The following PELI2 variants were observed in gnomAD, a reference collection of about 807,000 sequenced individuals.
The protein encoded by PELI2 is pellino E3 ubiquitin protein ligase family member 2.
Under a neutral mutation model 42.3 loss-of-function variants are expected in PELI2, and 23 were observed. The ratio of observed to expected loss-of-function variants is 0.54; its 90% confidence interval spans 0.39 to 0.77. PELI2 has a LOEUF of 0.77. Among genes scored for constraint, PELI2 ranks in the 30% least tolerant of loss-of-function variants. PELI2 has a pLI of 0.00. For missense variants in PELI2, 463 were observed against 553.2 expected (o/e 0.84, Z 1.64); for synonymous variants, 245 against 212.2 (o/e 1.15, Z -1.34).
Position 56,279,665 on chromosome 14 carries a change from TTTA to T in PELI2, c.208-4_208-2del, listed in dbSNP as rs763783527. ...GAATTGTAATGGATTTTTTTAAAAT[TTTA>T]TTATTAGGCTATCAGCTGCAAAGGT... On this transcript the variant is annotated splice_region_variant and splice_polypyrimidine_tract_variant and intron_variant, in intron 2 of 5. Transcript: ENST00000267460. 8.8e-6 allele frequency: 13 copies of T among 1,484,944 alleles called. No homozygotes were observed. The African/African-American group carries it at 1.8e-4, about 21-fold the overall frequency. 92.0% of individuals were successfully genotyped at this position (1,484,944 alleles called of 1,614,324 possible). A position where few individuals can be genotyped will look rare whatever the true frequency, so the allele number is the denominator to read the frequency against.
At chr14:56,187,356 G>T (rs61989865) in intron 2 of PELI2, among the ~76,000 whole-genome samples, 1 of 152,182 alleles carries the variant, frequency 6.6e-6, no homozygotes. Context: ...CATTATTTAA[G>T]TATCAGTGTT....
At chr14:56,285,725 T>A (rs1889623763) in intron 3 of PELI2, among the ~76,000 whole-genome samples, 1 of 151,830 alleles carries the variant, frequency 6.6e-6, no homozygotes, top group African/African-American at 2.4e-5. Flanking sequence ...TTGGAGTGGG[T>A]TGAGGAAGAA....
chr14:56,260,355 G>A (rs1309921618), intron 2 of PELI2, among the ~76,000 whole-genome samples: 1 of 152,054 alleles, frequency 6.6e-6, no homozygotes, highest in Non-Finnish European at 1.5e-5. Context: ...AATCTCAAAG[G>A]GTTTTGGTAA....
chr14:56,242,118 A>G (rs775026952), intron 2 of PELI2, among the ~76,000 whole-genome samples: 4 of 152,200 alleles, frequency 2.6e-5, no homozygotes, highest in African/African-American at 9.7e-5. Context: ...AGGAGGACCA[A>G]CTGAGTGGCC....
At chr14:56,176,905 A>G (rs928281181) in intron 1 of PELI2, among the ~76,000 whole-genome samples, 2 of 152,206 alleles carry the variant, frequency 1.3e-5, no homozygotes, top group African/African-American at 4.8e-5. Flanking sequence ...TAGAGTGTTC[A>G]TCTTGATTTA....
At chr14:56,244,632 AAG>A (rs1332403289) in intron 2 of PELI2, among the ~76,000 whole-genome samples, 2 of 152,170 alleles carry the variant, frequency 1.3e-5, no homozygotes, top group Non-Finnish European at 2.9e-5. Context: ...TTCTTCCACC[AAG>A]AGCAGGATGA....
At chr14:56,198,773 A>G (rs1886230399) in intron 2 of PELI2, among the ~76,000 whole-genome samples, 1 of 152,166 alleles carries the variant, frequency 6.6e-6, no homozygotes, top group Non-Finnish European at 1.5e-5. Flanking sequence ...ATGACCCAGT[A>G]TGGTGGGATA....
Position 56,288,423 on chromosome 14 carries a change from T to G in PELI2, c.310-14T>G. 1 of 1,603,472 alleles carries G rather than the reference T, an allele frequency of 6.2e-7. No individual in the cohort carries two copies. The highest frequency in any genetic ancestry group is 8.5e-7 in the Non-Finnish European group (1 of 1,170,874). On this transcript the variant is annotated splice_polypyrimidine_tract_variant and intron_variant, in intron 3 of 5. Transcript: ENST00000267460. This position sits in a 1 kb window ranked among gnomAD's most constrained non-coding sequence, Gnocchi z 4.6. ...ATTTTCCAAGTGAATCACGAGTACA[T>G]TTGATTTACTTAGGTGGGCAGATCA...
intron 2 of PELI2, among the ~76,000 whole-genome samples, chr14:56,275,135 G>A (rs1431021815): frequency 6.6e-6 from 1 of 152,114 alleles, no homozygotes; most frequent in Non-Finnish European, 1.5e-5. Flanking sequence ...TTGATGCTGG[G>A]GTGGAAAAAT....
Position 56,118,447 on chromosome 14 carries a change from G to C in PELI2, c.-214G>C. On this transcript the variant is annotated 5_prime_UTR_variant, in exon 1 of 6. Transcript: ENST00000267460. ...CCGGCTCTGACTCGGGGCGGCCGCG[G>C]CGCGCGGAGCTCCGGGGAGTCAGGC... The C allele has an allele frequency of 3.2e-6, 1 of 309,084 alleles. No individual in the cohort carries two copies. The allele number at this position is 309,084 out of a possible 1,614,324, so 19.1% of individuals were successfully genotyped here. A position where few individuals can be genotyped will look rare whatever the true frequency, so the allele number is the denominator to read the frequency against.
At chr14:56,294,641 ACC>A (rs1371818560) in intron 5 of PELI2, among the ~76,000 whole-genome samples, 1 of 151,998 alleles carries the variant, frequency 6.6e-6, no homozygotes, top group Non-Finnish European at 1.5e-5. Context: ...CCTCCCTGGG[ACC>A]CTGCCTGGGC....
chr14:56,152,033 A>G (rs1005391740), intron 1 of PELI2, among the ~76,000 whole-genome samples: 1 of 152,152 alleles, frequency 6.6e-6, no homozygotes, highest in Non-Finnish European at 1.5e-5. Context: ...CACATAGTAG[A>G]AGCTGCCCTG....
intron 2 of PELI2, among the ~76,000 whole-genome samples, chr14:56,245,721 A>C (rs1383600481): frequency 6.6e-6 from 1 of 152,238 alleles, no homozygotes; most frequent in East Asian, 1.9e-4. Flanking sequence ...CTGCAGATCC[A>C]ACAAACTGAG....
At chr14:56,248,299 C>T (rs781309345) in intron 2 of PELI2, among the ~76,000 whole-genome samples, 6 of 151,986 alleles carry the variant, frequency 3.9e-5, no homozygotes, top group Non-Finnish European at 8.8e-5. Context: ...TTAAGTTTCG[C>T]GCACATTTTA....
At chr14:56,279,050 C>T (rs1362530831) in intron 2 of PELI2, among the ~76,000 whole-genome samples, 2 of 151,600 alleles carry the variant, frequency 1.3e-5, no homozygotes, top group African/African-American at 2.4e-5. Flanking sequence ...CTTTTTCTGG[C>T]CTAAAATTTG....
At chr14:56,240,445 A>G (rs766896737) in intron 2 of PELI2, among the ~76,000 whole-genome samples, 3 of 152,200 alleles carry the variant, frequency 2.0e-5, no homozygotes, top group Non-Finnish European at 4.4e-5. Context: ...ATTACAGACA[A>G]GGTTGTGTTA....
At chr14:56,222,468 C>T (rs1324374345) in intron 2 of PELI2, among the ~76,000 whole-genome samples, 5 of 152,218 alleles carry the variant, frequency 3.3e-5, no homozygotes, top group South Asian at 2.1e-4. Context: ...AAGCTCACCA[C>T]GTGCCTGTGC....
At chr14:56,198,315 G>A (rs908271970) in intron 2 of PELI2, among the ~76,000 whole-genome samples, 8 of 152,192 alleles carry the variant, frequency 5.3e-5, no homozygotes, top group African/African-American at 1.9e-4. Context: ...ACCATGTAGA[G>A]AGGGGCAGAA....
intron 2 of PELI2, among the ~76,000 whole-genome samples, chr14:56,268,615 A>C (rs1451147031): frequency 2.6e-5 from 4 of 152,174 alleles, no homozygotes; most frequent in Non-Finnish European, 5.9e-5. Context: ...TGGAAACATA[A>C]AATGTTCAAA....
Sources: allele counts gnomAD v4.1 joint callset (sites outside exome capture counted in the v4.1 genomes callset), GRCh38; gene constraint gnomAD v4.1.1; non-coding constraint Gnocchi (gnomAD v3.1); transcripts MANE v1.5; gene names NCBI Gene and HGNC (gene_info 2026-07-23, HGNC 2026-07-21).